Variants in ARHGEF7 observed in about 807,000 individuals in gnomAD.
ARHGEF7 encodes the protein PAK-interacting exchange factor beta.
A neutral mutation model predicts 109.8 loss-of-function variants in ARHGEF7; 33 were observed. The observed-to-expected ratio is 0.30, with a 90% CI of 0.23 to 0.40. ARHGEF7 has a LOEUF of 0.40. ARHGEF7 is among the 10% of genes least tolerant of loss of function. The pLI is 1.00. For synonymous variants in ARHGEF7, 458 were observed against 424.6 expected, an observed-to-expected ratio of 1.08 and a Z score of -0.97; for missense variants, 938 against 1,098.5, an observed-to-expected ratio of 0.85 and a Z score of 2.07.
At chr13:111,180,773 C>T (rs985451304) in intron 2 of ARHGEF7, among the ~76,000 whole-genome samples, 1 of 152,210 alleles carries the variant, frequency 6.6e-6, no homozygotes, top group African/African-American at 2.4e-5. Context: ...AGATTATAGA[C>T]ACCTGGAAAT....
intron 2 of ARHGEF7, among the ~76,000 whole-genome samples, chr13:111,173,520 C>T (rs940241232): frequency 2.0e-5 from 3 of 152,120 alleles, no homozygotes; most frequent in Non-Finnish European, 2.9e-5. Flanking sequence ...TAAGCTCAGC[C>T]CCAGGATGTG....
At chr13:111,156,504 T>G (rs1337363201) in intron 2 of ARHGEF7, among the ~76,000 whole-genome samples, 1 of 152,236 alleles carries the variant, frequency 6.6e-6, no homozygotes, top group Non-Finnish European at 1.5e-5. Context: ...AAACAGCACA[T>G]GAAAAACCTG....
chr13:111,227,712 CT>C (rs2085402163), intron 5 of ARHGEF7, among the ~76,000 whole-genome samples: 1 of 152,162 alleles, frequency 6.6e-6, no homozygotes, highest in Non-Finnish European at 1.5e-5. Context: ...CTACTTTCTT[CT>C]AGGTTTGTTC....
At chr13:111,213,586 G>T (rs1219611680) in intron 4 of ARHGEF7, among the ~76,000 whole-genome samples, 1 of 152,130 alleles carries the variant, frequency 6.6e-6, no homozygotes, top group Non-Finnish European at 1.5e-5. Flanking sequence ...TTTTAGCAAT[G>T]GGATTCTGTG....
chr13:111,235,829 C>CT (rs1283490414), intron 6 of ARHGEF7, among the ~76,000 whole-genome samples: 1 of 152,158 alleles, frequency 6.6e-6, no homozygotes, highest in East Asian at 1.9e-4. Flanking sequence ...TCACAGAAAA[C>CT]TATAAGGTCT....
At position 111,239,249 on chromosome 13, in the gene ARHGEF7, C is replaced by T. The variant is rs1211941919; in HGVS notation, c.760-4623C>T. ...ATAGAGCCAAACCATATCACTTTCC[C>T]TGTTATTTAGAGCATTATTATAATA... On this transcript the variant is annotated intron_variant, in intron 6 of 21. Coordinates refer to ENST00000646102, the MANE Select transcript of ARHGEF7 (RefSeq NM_001354046.2). The surrounding 1 kb of genome is among the most constrained non-coding windows in gnomAD (Gnocchi z 4.3). Among the ~76,000 whole-genome samples, 1 of 152,158 alleles carries T rather than the reference C, an allele frequency of 6.6e-6. No individual in the cohort carries two copies. Among genetic ancestry groups the T allele is most frequent in the African/African-American group, 2.4e-5 (1 of 41,424 alleles).
intron 6 of ARHGEF7, among the ~76,000 whole-genome samples, chr13:111,235,980 G>A (rs572815871): frequency 6.6e-6 from 1 of 152,322 alleles, no homozygotes; most frequent in Admixed American, 6.5e-5. Flanking sequence ...AGTATTCCAT[G>A]CGAAAGTACC....
At position 111,121,467 on chromosome 13, in the gene ARHGEF7, T is replaced by G. The variant is rs74126717; in HGVS notation, c.165+5776T>G. Among the ~76,000 whole-genome samples the G allele has an allele frequency of 3.4e-3, 522 of 152,356 alleles. 2 individuals carry two copies. Among genetic ancestry groups the G allele is most frequent in the African/African-American group, 0.012 (505 of 41,584 alleles). ...ACATCTCTCTCCCTTTAGAGGCCACTGATCACTCTAAAATGTAAAGAGTGG... is the reference window on the plus strand; with the variant it reads ...ACATCTCTCTCCCTTTAGAGGCCACGGATCACTCTAAAATGTAAAGAGTGG... On this transcript the variant is annotated intron_variant, in intron 1 of 21. Coordinates refer to ENST00000646102, the MANE Select transcript of ARHGEF7 (RefSeq NM_001354046.2).
chr13:111,145,663 GT>G lies in ARHGEF7; in HGVS notation c.166-8241del, dbSNP rs1370619622. Among the ~76,000 whole-genome samples the G allele has an allele frequency of 1.3e-5, 2 of 152,210 alleles. No homozygotes were observed. Among genetic ancestry groups the G allele is most frequent in the African/African-American group, 4.8e-5 (2 of 41,450 alleles). On this transcript the variant is annotated intron_variant, in intron 1 of 21. Transcript: ENST00000646102. This position sits in a 1 kb window ranked among gnomAD's most constrained non-coding sequence, Gnocchi z 4.3. ...CGGGGTGACACCCATACAGCCCACT[GT>G]GAGCCAGCTCCAGCATCTACTGCTC...
chr13:111,118,578 C>G (rs1376385270), intron 1 of ARHGEF7, among the ~76,000 whole-genome samples: 1 of 152,140 alleles, frequency 6.6e-6, no homozygotes, highest in Non-Finnish European at 1.5e-5. Context: ...TTCGGCTTCC[C>G]ACACTCCTCC....
intron 5 of ARHGEF7, among the ~76,000 whole-genome samples, chr13:111,222,336 A>G (rs562665903): frequency 6.6e-6 from 1 of 152,332 alleles, no homozygotes; most frequent in Non-Finnish European, 1.5e-5. Flanking sequence ...CTGATGGTTG[A>G]ACCAAAGGAA....
chr13:111,260,498 G>C (rs1255393925), intron 8 of ARHGEF7, among the ~76,000 whole-genome samples: 1 of 152,160 alleles, frequency 6.6e-6, no homozygotes, highest in Non-Finnish European at 1.5e-5. Context: ...TTTTATCCTA[G>C]GATAGTATAT....
chr13:111,231,884 A>G (rs1461947960), intron 5 of ARHGEF7, among the ~76,000 whole-genome samples: 6 of 152,288 alleles, frequency 3.9e-5, no homozygotes, highest in Middle Eastern at 3.4e-3. Flanking sequence ...TAAGTCCTCT[A>G]GGAAATGCTC....
intron 12 of ARHGEF7, among the ~76,000 whole-genome samples, chr13:111,276,776 A>G (rs2092510122): frequency 6.6e-6 from 1 of 152,232 alleles, no homozygotes; most frequent in Non-Finnish European, 1.5e-5. Context: ...GGTGCTTTGC[A>G]TAAGCCTAAT....
chr13:111,116,148 G>T (rs1193584047), intron 1 of ARHGEF7, among the ~76,000 whole-genome samples: 2 of 119,358 alleles, frequency 1.7e-5, no homozygotes, highest in African/African-American at 4.9e-5. Context: ...TTAATTGACC[G>T]GTTGCTCTGT....
chr13:111,249,878 A>G (rs1234053572), intron 8 of ARHGEF7, among the ~76,000 whole-genome samples: 3 of 152,172 alleles, frequency 2.0e-5, no homozygotes, highest in South Asian at 2.1e-4. Context: ...TCGGCAACAA[A>G]AGGCAGACAG....
intron 2 of ARHGEF7, among the ~76,000 whole-genome samples, chr13:111,166,860 G>C (rs181938547): frequency 9.2e-5 from 14 of 152,324 alleles, no homozygotes; most frequent in Admixed American, 8.5e-4. Context: ...ATTGTGTAGA[G>C]TGATGTTCCT....
Position 111,131,557 on chromosome 13 carries a change from G to A in ARHGEF7, c.165+15866G>A, listed in dbSNP as rs1487102099. Among the ~76,000 whole-genome samples, 2 of 152,198 alleles carry A rather than the reference G, an allele frequency of 1.3e-5. No homozygotes were observed. Among genetic ancestry groups the A allele is most frequent in the African/African-American group, 2.4e-5 (1 of 41,450 alleles). On this transcript the variant is annotated intron_variant, in intron 1 of 21. Coordinates refer to ENST00000646102, the MANE Select transcript of ARHGEF7 (RefSeq NM_001354046.2). This position sits in a 1 kb window ranked among gnomAD's most constrained non-coding sequence, Gnocchi z 4.4. ...GTTTCTTACAGGGCAGTTAAAGTGC[G>A]AACGTGAGAAGGCCAAGGGCCAGCC... is the stretch of plus-strand genomic sequence containing the variant.
chr13:111,270,293 T>G (rs1402894990), intron 9 of ARHGEF7, among the ~76,000 whole-genome samples: 1 of 152,246 alleles, frequency 6.6e-6, no homozygotes, highest in Admixed American at 6.5e-5. Flanking sequence ...CCCACAGCAC[T>G]GTGTCGGTAA....
Sources: allele counts gnomAD v4.1 joint callset (sites outside exome capture counted in the v4.1 genomes callset), GRCh38; gene constraint gnomAD v4.1.1; non-coding constraint Gnocchi (gnomAD v3.1); transcripts MANE v1.5; gene names NCBI Gene and HGNC (gene_info 2026-07-23, HGNC 2026-07-21).